The following PHLPP1 variants were observed in gnomAD, a reference collection of about 807,000 sequenced individuals.
PHLPP1 encodes PH domain and leucine rich repeat protein phosphatase 1.
A neutral mutation model predicts 117.2 loss-of-function variants in PHLPP1; 42 were observed. The ratio of observed to expected loss-of-function variants is 0.36; its 90% CI spans 0.28 to 0.46. The LOEUF is 0.46. Ranked by LOEUF, PHLPP1 falls within the 20% of genes least tolerant of loss-of-function variation. PHLPP1 has a pLI of 1.00. For synonymous variants in PHLPP1, 1,042 were observed against 970.7 expected, an observed-to-expected ratio of 1.07 and a Z score of -1.37; for missense variants, 2,084 against 2,241.9, an observed-to-expected ratio of 0.93 and a Z score of 1.42.
chr18:62,893,733 T>TTA lies in PHLPP1; in HGVS notation c.2067-1276_2067-1275dup, dbSNP rs573196796. Among the ~76,000 whole-genome samples the TTA allele has an allele frequency of 2.0e-4, 30 of 152,196 alleles. No homozygotes were observed. The South Asian group carries it at 6.2e-3, about 32-fold the overall frequency. ...CATAACGCAGTCACTAATATGATTC[T>TTA]TATCTTACTTAGAGATGGTGTAGAG... On this transcript the variant is annotated intron_variant, in intron 4 of 16. Transcript: ENST00000262719.
At chr18:62,856,899 T>A (rs1915511137) in intron 3 of PHLPP1, among the ~76,000 whole-genome samples, 1 of 152,096 alleles carries the variant, frequency 6.6e-6, no homozygotes, top group African/African-American at 2.4e-5. Flanking sequence ...ATCCACCACC[T>A]TCCCAGCAGT....
At chr18:62,742,502 C>G (rs1345783740) in intron 1 of PHLPP1, among the ~76,000 whole-genome samples, 2 of 152,122 alleles carry the variant, frequency 1.3e-5, no homozygotes, top group African/African-American at 4.8e-5. Flanking sequence ...GTGGCGCTAT[C>G]TTGGCTCACT....
At chr18:62,951,071 T>C (rs1424517667) in intron 12 of PHLPP1, among the ~76,000 whole-genome samples, 1 of 151,250 alleles carries the variant, frequency 6.6e-6, no homozygotes, top group Non-Finnish European at 1.5e-5. Flanking sequence ...AAGTTCCGCC[T>C]CCCAGGTTCA....
intron 3 of PHLPP1, among the ~76,000 whole-genome samples, chr18:62,843,838 A>G (rs947647318): frequency 2.6e-5 from 4 of 152,216 alleles, no homozygotes; most frequent in Non-Finnish European, 5.9e-5. Flanking sequence ...AAGAACGTGC[A>G]GAAGAGCTCC....
chr18:62,922,960 C>T (rs907457472), intron 10 of PHLPP1, among the ~76,000 whole-genome samples: 2 of 152,122 alleles, frequency 1.3e-5, no homozygotes, highest in Non-Finnish European at 1.5e-5. Context: ...TGGGTTTTCT[C>T]ATTTTGCTTA....
chr18:62,953,624 A>T (rs534290115), intron 12 of PHLPP1, among the ~76,000 whole-genome samples: 5 of 152,300 alleles, frequency 3.3e-5, no homozygotes, highest in African/African-American at 1.2e-4. Flanking sequence ...TGCCATCTCC[A>T]TATGTCCCTG....
intron 6 of PHLPP1, 102 bp downstream of exon 6, chr18:62,896,113 G>A: frequency 3.0e-6 from 2 of 673,848 alleles, no homozygotes; most frequent in Non-Finnish European, 2.6e-6. Flanking sequence ...GTAATTGAAT[G>A]TGGGCCCGTT....
intron 1 of PHLPP1, among the ~76,000 whole-genome samples, chr18:62,727,394 T>C (rs1406039232): frequency 2.0e-5 from 3 of 151,998 alleles, no homozygotes; most frequent in Non-Finnish European, 2.9e-5. Flanking sequence ...GAATCATTTG[T>C]GCTGAGGAGT....
chr18:62,730,576 C>T (rs534212785), intron 1 of PHLPP1, among the ~76,000 whole-genome samples: 1 of 152,076 alleles, frequency 6.6e-6, no homozygotes, highest in Non-Finnish European at 1.5e-5. Context: ...AATCCCAGCA[C>T]TTTGGGAGGC....
intron 4 of PHLPP1, among the ~76,000 whole-genome samples, chr18:62,865,923 C>T (rs1915759716): frequency 1.3e-5 from 2 of 152,128 alleles, no homozygotes; most frequent in Admixed American, 1.3e-4. Context: ...GGAAAAATAA[C>T]TAACAGATAC....
chr18:62,765,615 G>A (rs1184615528), intron 1 of PHLPP1, among the ~76,000 whole-genome samples: 4 of 152,126 alleles, frequency 2.6e-5, no homozygotes, highest in Non-Finnish European at 5.9e-5. Context: ...AAGCTTCCAT[G>A]TATCTGCTTA....
At position 62,836,432 on chromosome 18, in the gene PHLPP1, AAAATAAATAAATAAATAAATAAATAAAT is replaced by A. The variant is rs370894334; in HGVS notation, c.1774-2324_1774-2297del. ...GGGCAACAGAGCGAGACTCCATCTA[AAAATAAATAAATAAATAAATAAATAAAT>A]AAATAAATAAATAAATAAATAAATA... is the stretch of plus-strand genomic sequence containing the variant. On this transcript the variant is annotated intron_variant, in intron 2 of 16. Coordinates refer to ENST00000262719, the MANE Select transcript of PHLPP1 (RefSeq NM_194449.4). Among the ~76,000 whole-genome samples the A allele has an allele frequency of 1.7e-4, 23 of 136,968 alleles. 1 individual carries two copies. Among genetic ancestry groups the A allele is most frequent in the East Asian group, 1.5e-3 (7 of 4,574 alleles). The allele number at this position is 136,968 out of a possible 152,430, so 89.9% of individuals were successfully genotyped here.
At chr18:62,800,646 C>A (rs1913751164) in intron 1 of PHLPP1, among the ~76,000 whole-genome samples, 1 of 151,922 alleles carries the variant, frequency 6.6e-6, no homozygotes, top group Admixed American at 6.6e-5. Flanking sequence ...GTTGTAAAAA[C>A]CCTCTCAGTT....
intron 4 of PHLPP1, among the ~76,000 whole-genome samples, chr18:62,865,053 A>G (rs1208991318): frequency 6.6e-6 from 1 of 152,192 alleles, no homozygotes; most frequent in Non-Finnish European, 1.5e-5. Context: ...GCTGGATGCA[A>G]TGGCTCAGTC....
chr18:62,829,413 A>G (rs1480701706), intron 1 of PHLPP1, among the ~76,000 whole-genome samples: 1 of 152,232 alleles, frequency 6.6e-6, no homozygotes, highest in Admixed American at 6.5e-5. Flanking sequence ...AAACATCATG[A>G]AGTCGTTTCA....
chr18:62,950,838 A>G, intron 12 of PHLPP1, among the ~76,000 whole-genome samples: 1 of 152,126 alleles, frequency 6.6e-6, no homozygotes, highest in East Asian at 1.9e-4. Flanking sequence ...AGGACTAAGG[A>G]AAGAGGAAGC....
At chr18:62,717,419 T>C (rs1214740526) in intron 1 of PHLPP1, among the ~76,000 whole-genome samples, 160 bp downstream of exon 1, 1 of 152,216 alleles carries the variant, frequency 6.6e-6, no homozygotes, top group Non-Finnish European at 1.5e-5. Flanking sequence ...TGTGTAGTAC[T>C]AGATTGAGCA....
intron 3 of PHLPP1, among the ~76,000 whole-genome samples, chr18:62,843,968 T>C (rs1443450199): frequency 6.6e-6 from 1 of 152,244 alleles, no homozygotes; most frequent in African/African-American, 2.4e-5. Flanking sequence ...TTTTCAAAGT[T>C]AGGCTTTCAT....
intron 4 of PHLPP1, among the ~76,000 whole-genome samples, chr18:62,891,680 A>T (rs1916412115): frequency 6.6e-6 from 1 of 150,672 alleles, no homozygotes. Context: ...GCTTGAGCCC[A>T]GGAGTTCAGG....
Sources: allele counts gnomAD v4.1 joint callset (sites outside exome capture counted in the v4.1 genomes callset), GRCh38; gene constraint gnomAD v4.1.1; transcripts MANE v1.5; gene names NCBI Gene and HGNC (gene_info 2026-07-23, HGNC 2026-07-21).